NBAS: variants seen among roughly 807,000 people sequenced by gnomAD.
The protein encoded by NBAS is NBAS subunit of NRZ tethering complex.
A neutral mutation model predicts 302.5 loss-of-function variants in NBAS; 219 were observed. The ratio of observed to expected loss-of-function variants is 0.72; its 90% confidence interval spans 0.65 to 0.81. NBAS has a LOEUF of 0.81. Ranked by LOEUF, NBAS falls within the 30% of genes least tolerant of loss-of-function variation. The pLI, the probability that NBAS is intolerant of heterozygous loss-of-function variation, is 0.00. For missense variants in NBAS, 2,932 were observed against 2,841.6 expected (o/e 1.03, Z -0.72); for synonymous variants, 1,118 against 1,021.6 (o/e 1.09, Z -1.80).
chr2:15,270,778 T>A (rs182724738), intron 44 of NBAS, among the ~76,000 whole-genome samples: 5 of 152,336 alleles, frequency 3.3e-5, no homozygotes, highest in African/African-American at 1.2e-4. Context: ...CTTCATTTCA[T>A]GTTTCTTATA....
rs1323172312 is a variant in NBAS, at chr2:15,366,591, A to C, written c.3806T>G (p.Leu1269Arg). Residue 1269 changes from leucine to arginine, a missense_variant, in exon 32 of 52, where the codon CTG (leucine) becomes CGG (arginine). Physicochemically the swap from Leu to Arg is moderately radical, Grantham distance 102. Coordinates refer to ENST00000281513, the MANE Select transcript of NBAS (RefSeq NM_015909.4). ...STKLLGLAEL[L>R]RVAGENPEER... ...CTCAAAAGACTTACCTGCAACCCTC[A>C]GCAGCTCAGCAAGGCCCAGAAGCTT... is the stretch of plus-strand genomic sequence containing the variant. 4 of 1,613,880 alleles carry C rather than the reference A, an allele frequency of 2.5e-6. No homozygotes were observed. In the African/African-American group the frequency reaches 5.3e-5, roughly 22 times the overall value.
At chr2:15,310,810 A>G (rs920245940) in intron 38 of NBAS, among the ~76,000 whole-genome samples, 2 of 152,202 alleles carry the variant, frequency 1.3e-5, no homozygotes, top group Non-Finnish European at 2.9e-5. Flanking sequence ...ATTTTTAGGC[A>G]TCTGTGAATA....
the NBAS span, among the ~76,000 whole-genome samples, chr2:14,819,102 G>A: frequency 6.6e-6 from 1 of 152,156 alleles, no homozygotes. Flanking sequence ...GATTGTTTAT[G>A]GTTAATGTCT....
At chr2:15,191,555 G>GTCAT (rs1404620435) in intron 48 of NBAS, among the ~76,000 whole-genome samples, 2 of 152,080 alleles carry the variant, frequency 1.3e-5, no homozygotes, top group African/African-American at 4.8e-5. Flanking sequence ...CAGTCAGTCA[G>GTCAT]TTTACCCTTA....
chr2:15,553,328 C>T (rs902947999), intron 5 of NBAS, 98 bp downstream of exon 5: 1 of 1,114,878 alleles, frequency 9.0e-7, no homozygotes, highest in African/African-American at 1.6e-5. Context: ...TAATAAAATC[C>T]TTTTAAATAT....
chr2:15,030,413 G>T, the NBAS span, among the ~76,000 whole-genome samples: 3 of 152,212 alleles, frequency 2.0e-5, no homozygotes, highest in East Asian at 3.9e-4. Flanking sequence ...ACTGGTACAG[G>T]TTTGAGCAGG....
chr2:15,301,188 C>T (rs749444861), intron 40 of NBAS, among the ~76,000 whole-genome samples: 13 of 152,080 alleles, frequency 8.5e-5, no homozygotes, highest in Non-Finnish European at 1.6e-4. Flanking sequence ...AAAGCTTGAG[C>T]GGTCGCTGTC....
At chr2:15,146,949 G>T in the NBAS span, among the ~76,000 whole-genome samples, 1 of 152,294 alleles carries the variant, frequency 6.6e-6, no homozygotes, top group Non-Finnish European at 1.5e-5. Flanking sequence ...AGTTGAGCTG[G>T]TTACCCGCTG....
At chr2:14,908,883 CCT>C in the NBAS span, among the ~76,000 whole-genome samples, 3 of 152,084 alleles carry the variant, frequency 2.0e-5, no homozygotes, top group Non-Finnish European at 4.4e-5. Flanking sequence ...CTTCAGAGTC[CCT>C]CTGAGCCATA....
chr2:15,072,471 G>A, the NBAS span, among the ~76,000 whole-genome samples: 15 of 152,080 alleles, frequency 9.9e-5, no homozygotes, highest in South Asian at 2.7e-3. Flanking sequence ...TTTTTATGAT[G>A]TTTCTGTAGT....
intron 50 of NBAS, 99 bp from the exon 51 acceptor site, chr2:15,179,215 G>C: frequency 6.6e-7 from 1 of 1,520,326 alleles, no homozygotes; most frequent in Non-Finnish European, 9.0e-7. Context: ...GTGGTAGCGT[G>C]TGTGTGTGTG....
chr2:15,465,284 T>C (rs1263000966), intron 19 of NBAS, among the ~76,000 whole-genome samples: 1 of 152,242 alleles, frequency 6.6e-6, no homozygotes, highest in African/African-American at 2.4e-5. Context: ...CCCTAGTCCC[T>C]GAAATCTGCC....
intron 38 of NBAS, among the ~76,000 whole-genome samples, chr2:15,323,200 A>T (rs13001587): frequency 1.3e-5 from 2 of 152,260 alleles, no homozygotes; most frequent in African/African-American, 4.8e-5. Flanking sequence ...ATGCAGACGC[A>T]CTAAGAGCAT....
the NBAS span, among the ~76,000 whole-genome samples, chr2:15,004,762 G>T: frequency 6.9e-6 from 1 of 144,314 alleles, no homozygotes; most frequent in South Asian, 2.2e-4. Context: ...ACCCCCCCTT[G>T]GCTTCCCTAA....
chr2:14,846,138 A>C, the NBAS span, among the ~76,000 whole-genome samples: 1,944 of 152,322 alleles, frequency 0.013, 49 homozygotes, highest in African/African-American at 0.045. Context: ...AAGATAAAGA[A>C]AGGACCTTAA....
At chr2:15,557,778 C>T (rs772958803) in intron 2 of NBAS, among the ~76,000 whole-genome samples, 1 of 152,096 alleles carries the variant, frequency 6.6e-6, no homozygotes, top group African/African-American at 2.4e-5. Flanking sequence ...AGTAACGGCA[C>T]CTTTCTGGTC....
chr2:14,826,785 C>G, the NBAS span, among the ~76,000 whole-genome samples: 1 of 152,216 alleles, frequency 6.6e-6, no homozygotes, highest in African/African-American at 2.4e-5. Context: ...TACCCTAAAC[C>G]TCCAGTCCCA....
Position 15,299,506 on chromosome 2 carries a change from G to C in NBAS, c.4798-6740C>G, listed in dbSNP as rs10174773. On this transcript the variant is annotated intron_variant, in intron 40 of 51. Transcript: ENST00000281513. ...AACAGGTGGTGTGTTTCCCCTTTAGGGTTGTTATTTTGCTTGAGATAATTT... is the reference window on the plus strand; with the variant it reads ...AACAGGTGGTGTGTTTCCCCTTTAGCGTTGTTATTTTGCTTGAGATAATTT... 6.9e-3 allele frequency among the ~76,000 whole-genome samples: 1,053 copies of C among 151,938 alleles called. 11 individuals are homozygous for C. Among genetic ancestry groups the C allele is most frequent in the African/African-American group, 0.024 (1,003 of 41,414 alleles).
the NBAS span, among the ~76,000 whole-genome samples, chr2:14,783,079 A>G: frequency 6.6e-6 from 1 of 152,138 alleles, no homozygotes; most frequent in African/African-American, 2.4e-5. Context: ...CCTATATAAC[A>G]AACCTGCACA....
Sources: allele counts gnomAD v4.1 joint callset (sites outside exome capture counted in the v4.1 genomes callset), GRCh38; gene constraint gnomAD v4.1.1; transcripts MANE v1.5; gene names NCBI Gene and HGNC (gene_info 2026-07-23, HGNC 2026-07-21).